HERC6: variants seen among roughly 807,000 people sequenced by gnomAD.
HERC6 encodes the protein HECT and RLD domain containing E3 ubiquitin protein ligase family member 6.
A neutral mutation model predicts 114.5 loss-of-function variants in HERC6; 101 were observed. The ratio of observed to expected loss-of-function variants is 0.88; its 90% confidence interval spans 0.75 to 1.04. The LOEUF (loss-of-function observed/expected upper bound fraction) is 1.04, where lower values mean the gene tolerates loss of function less well. Among genes scored for constraint, HERC6 ranks in the 50% least tolerant of loss-of-function variants. HERC6 has a pLI of 0.00. For missense variants in HERC6, 1,133 were observed against 1,230.9 expected, an observed-to-expected ratio of 0.92 and a Z score of 1.19; for synonymous variants, 408 against 436.2, an observed-to-expected ratio of 0.94 and a Z score of 0.81.
Position 88,383,314 on chromosome 4 carries a change from C to A in HERC6, c.293C>A (p.Ala98Glu). The A allele has an allele frequency of 1.3e-6, 2 of 1,575,364 alleles. No homozygotes were observed. The highest frequency in any genetic ancestry group is 2.3e-5 in the South Asian group (2 of 85,482). The change falls in exon 2 of 23, where the codon GCA becomes GAA. Residue 98 changes from alanine (A) to glutamate (E), a missense_variant. Physicochemically the swap from Ala to Glu is moderately radical, Grantham distance 107 (BLOSUM62 -1). Around this residue, in one of 3 missense-constraint regions of HERC6, gnomAD observed 735 missense variants for 754.0 expected, o/e 0.97. Transcript: ENST00000264346. ...LAVCHKGRVFAWGAGSEGQLG... is the reference protein window; with the variant it reads ...LAVCHKGRVFEWGAGSEGQLG... ...GTGTGCCACAAAGGAAGGGTCTTCG[C>A]ATGGGGAGCTGGTTCTGAAGGGCAG...
chr4:88,423,921 T>C lies in HERC6; in HGVS notation c.1775T>C (p.Leu592Ser). 6.3e-7 allele frequency: 1 copy of C among 1,576,918 alleles called. No individual in the cohort carries two copies. Among genetic ancestry groups the C allele is most frequent in the African/African-American group, 1.4e-5 (1 of 73,072 alleles). Reference protein sequence around the residue: ...NTFNINELSNLLNFYIDRGRQ... With the variant: ...NTFNINELSNSLNFYIDRGRQ... The stretch of plus-strand genomic sequence containing the variant: ...TTCAACATAAATGAACTCTCCAACT[T>C]ATTAAACTTTTATATAGATAGAGGA... Residue 592 changes from leucine to serine, a missense_variant, in exon 14 of 23, where the codon TTA becomes TCA. Physicochemically the swap from Leu to Ser is moderately radical, Grantham distance 145 (BLOSUM62 -2). This residue lies in a region of HERC6 where 735 missense variants were observed against 754.0 expected (regional missense o/e 0.97). Transcript: ENST00000264346.
chr4:88,442,149 A>T, intron 22 of HERC6, 85 bp from the exon 23 acceptor site: 1 of 928,470 alleles, frequency 1.1e-6, no homozygotes, highest in Non-Finnish European at 1.7e-6. Context: ...ATAAATACTT[A>T]CTGAATGAAG....
At chr4:88,379,708 TAATATATA>T (rs1734074889) in intron 1 of HERC6, among the ~76,000 whole-genome samples, 1 of 108,984 alleles carries the variant, frequency 9.2e-6, no homozygotes, top group South Asian at 2.4e-4. Context: ...TATAAATATA[TAATATATA>T]AATATATATA....
Position 88,390,795 on chromosome 4 carries a change from T to A in HERC6, c.580T>A (p.Phe194Ile). 1 of 1,614,066 alleles carries A rather than the reference T, an allele frequency of 6.2e-7. No homozygotes were observed. The highest frequency in any genetic ancestry group is 1.1e-5 in the South Asian group (1 of 91,056). Reference protein sequence around the residue: ...AQVAAGGAHSFALSLCGTSFG... With the variant: ...AQVAAGGAHSIALSLCGTSFG... ...GGTGGCTGCCGGAGGGGCTCACAGC[T>A]TTGCCCTGTCTCTCTGTGGGACTTC... Residue 194 changes from phenylalanine (F) to isoleucine (I), a missense_variant, in exon 4 of 23, where the codon TTT (phenylalanine) becomes ATT (isoleucine). Around this residue, in one of 3 missense-constraint regions of HERC6, gnomAD observed 735 missense variants for 754.0 expected, o/e 0.97. Transcript: ENST00000264346.
chr4:88,438,704 T>C (rs1055484446), intron 20 of HERC6, among the ~76,000 whole-genome samples: 35 of 152,020 alleles, frequency 2.3e-4, no homozygotes, highest in African/African-American at 8.5e-4. Context: ...ATGTTAAGAG[T>C]TTATTATCAA....
At chr4:88,420,250 A>AC (rs1736895635) in intron 13 of HERC6, among the ~76,000 whole-genome samples, 6 of 152,214 alleles carry the variant, frequency 3.9e-5, no homozygotes, top group Admixed American at 3.9e-4. Context: ...ATAACACCGT[A>AC]CAAGTTACTG....
chr4:88,431,041 G>A (rs1738144116), intron 16 of HERC6, 121 bp from the exon 17 acceptor site: 1 of 821,724 alleles, frequency 1.2e-6, no homozygotes, highest in Admixed American at 2.5e-5. Flanking sequence ...AGGAGGTAAG[G>A]GCTATGTGAT....
At chr4:88,427,261 G>A (rs185011289) in intron 15 of HERC6, among the ~76,000 whole-genome samples, 88 of 152,304 alleles carry the variant, frequency 5.8e-4, no homozygotes, top group African/African-American at 1.9e-3. Context: ...ACAGAGAACC[G>A]GAGTAGAGAA....
At chr4:88,385,169 C>G (rs1734511549) in intron 2 of HERC6, among the ~76,000 whole-genome samples, 1 of 151,964 alleles carries the variant, frequency 6.6e-6, no homozygotes, top group Non-Finnish European at 1.5e-5. Flanking sequence ...ATTCTAAGGC[C>G]CTATACTATA....
Position 88,435,768 on chromosome 4 carries a change from G to A in HERC6, c.2294G>A (p.Cys765Tyr). Residue 765 changes from cysteine to tyrosine, a missense_variant, in exon 18 of 23, where the codon TGT (cysteine) becomes TAT (tyrosine). By Grantham distance (194) the Cys-to-Tyr change is radical. Transcript: ENST00000264346. Reference protein sequence around the residue: ...KKRYFLFGMLCGLSLFNLNVA... With the variant: ...KKRYFLFGMLYGLSLFNLNVA... The stretch of plus-strand genomic sequence containing the variant: ...AGATATTTCCTCTTTGGAATGCTGT[G>A]TGGACTCTCCTTATTCAATTTAAAT... The A allele has an allele frequency of 6.2e-7, 1 of 1,605,164 alleles. No individual in the cohort carries two copies. The highest frequency in any genetic ancestry group is 8.5e-7 in the Non-Finnish European group (1 of 1,175,140).
intron 13 of HERC6, among the ~76,000 whole-genome samples, chr4:88,420,640 A>C (rs1249648058): frequency 6.6e-6 from 1 of 152,178 alleles, no homozygotes; most frequent in Non-Finnish European, 1.5e-5. Context: ...ATTGAGATAT[A>C]ATTCTCTCAT....
intron 6 of HERC6, 125 bp from the exon 7 acceptor site, chr4:88,396,726 G>A: frequency 2.6e-6 from 2 of 756,082 alleles, no homozygotes; most frequent in Non-Finnish European, 4.0e-6. Flanking sequence ...TGTGATAAGG[G>A]AGCTGCGTAC....
intron 2 of HERC6, among the ~76,000 whole-genome samples, chr4:88,384,879 C>T (rs142558928): frequency 2.6e-5 from 4 of 151,990 alleles, no homozygotes; most frequent in East Asian, 1.9e-4. Flanking sequence ...AAAAAATAGC[C>T]GGACGTTGTG....
chr4:88,439,842 CTTTTTTTT>C (rs537714979), intron 20 of HERC6, 24 bp from the exon 21 acceptor site: 66 of 999,864 alleles, frequency 6.6e-5, no homozygotes, highest in African/African-American at 3.3e-4. Context: ...TCCTTCCTTT[CTTTTTTTT>C]TTTTTTTTTT....
Position 88,424,584 on chromosome 4 carries a change from T to G in HERC6, c.1828-11T>G, listed in dbSNP as rs1472998416. The stretch of plus-strand genomic sequence containing the variant: ...TAATTATCAAAACTATTATCTCTGT[T>G]TATTTTTTAGATACCTGCAGAAACC... On this transcript the variant is annotated splice_polypyrimidine_tract_variant and intron_variant, in intron 14 of 22. Coordinates refer to ENST00000264346, the MANE Select transcript of HERC6 (RefSeq NM_017912.4). The G allele has an allele frequency of 6.4e-7, 1 of 1,559,210 alleles. No individual in the cohort carries two copies. Among genetic ancestry groups the G allele is most frequent in the Non-Finnish European group, 8.8e-7 (1 of 1,135,614 alleles).
At chr4:88,421,088 A>C (rs1737000242) in intron 13 of HERC6, among the ~76,000 whole-genome samples, 1 of 152,212 alleles carries the variant, frequency 6.6e-6, no homozygotes, top group South Asian at 2.1e-4. Context: ...AATGTTTTCA[A>C]GGTTCATCTA....
intron 16 of HERC6, among the ~76,000 whole-genome samples, chr4:88,430,525 G>C (rs781465599): frequency 9.9e-5 from 15 of 151,708 alleles, no homozygotes; most frequent in Non-Finnish European, 1.9e-4. Context: ...AGCTGAGATC[G>C]TGCCATTGCA....
intron 6 of HERC6, 47 bp from the exon 7 acceptor site, chr4:88,396,804 G>T: frequency 2.1e-6 from 3 of 1,437,992 alleles, no homozygotes; most frequent in Non-Finnish European, 2.8e-6. Flanking sequence ...TTTCTCAAAA[G>T]CCATGAGTGC....
chr4:88,405,474 A>G, intron 9 of HERC6, 80 bp from the exon 10 acceptor site: 1 of 645,770 alleles, frequency 1.5e-6, no homozygotes, highest in Non-Finnish European at 2.6e-6. Context: ...GTCATCATTT[A>G]CTTATTCAGA....
Sources: allele counts gnomAD v4.1 joint callset (sites outside exome capture counted in the v4.1 genomes callset), GRCh38; gene constraint gnomAD v4.1.1; regional missense constraint gnomAD v4.1.1; transcripts MANE v1.5; gene names NCBI Gene and HGNC (gene_info 2026-07-23, HGNC 2026-07-21).